The following CDCA5 variants were observed in gnomAD, a reference collection of about 807,000 sequenced individuals.
The protein encoded by CDCA5 is cell division cycle associated 5.
In CDCA5, 14 loss-of-function variants were observed where a neutral mutation model predicts 25.7. The ratio of observed to expected loss-of-function variants is 0.54; its 90% confidence interval spans 0.36 to 0.85. The LOEUF (loss-of-function observed/expected upper bound fraction) is 0.85. Ranked by LOEUF, CDCA5 falls within the 40% of genes least tolerant of loss-of-function variation. CDCA5 has a pLI of 0.01. For missense variants in CDCA5, 307 were observed against 324.5 expected (o/e 0.95, Z 0.41); for synonymous variants, 127 against 128.7 (o/e 0.99, Z 0.09).
chr11:65,072,368 G>C (rs951101228), intron 1 of CDCA5, among the ~76,000 whole-genome samples: 2 of 152,228 alleles, frequency 1.3e-5, no homozygotes, highest in African/African-American at 4.8e-5. Context: ...GAGCTACCGG[G>C]CTGAGGACCC....
chr11:65,082,794 T>C (rs1240848733), intron 4 of CDCA5, among the ~76,000 whole-genome samples: 2 of 151,816 alleles, frequency 1.3e-5, no homozygotes, highest in East Asian at 3.8e-4. Context: ...GTTCAAATGT[T>C]TCTTCTTCCA....
chr11:65,082,977 C>T lies in CDCA5; in HGVS notation c.243+387G>A, dbSNP rs557226843. Among the ~76,000 whole-genome samples, 7 of 152,172 alleles carry T rather than the reference C, an allele frequency of 4.6e-5. No homozygotes were observed. In the Middle Eastern group the frequency reaches 0.02, roughly 444 times the overall value. ...AGTTCACATTTCTCAGTCAGTATGT[C>T]TTCAGATTGTCTATTAATGAAACAT... On this transcript the variant is annotated intron_variant, in intron 4 of 5. Transcript: ENST00000275517.
At chr11:65,063,601 C>T (rs887536587), downstream of CDCA5, among the ~76,000 whole-genome samples, 4 of 152,210 alleles carry the variant, frequency 2.6e-5, no homozygotes, top group African/African-American at 4.8e-5. Flanking sequence ...GAATGCAGCG[C>T]CTGCACATTC....
chr11:65,079,068 A>G lies in CDCA5; in HGVS notation c.*39T>C. 1 of 1,504,538 alleles carries G rather than the reference A, an allele frequency of 6.6e-7. No homozygotes were observed. Among genetic ancestry groups the G allele is most frequent in the South Asian group, 1.4e-5 (1 of 71,828 alleles). The allele number at this position is 1,504,538 out of a possible 1,614,324, so 93.2% of individuals were successfully genotyped here. On this transcript the variant is annotated 3_prime_UTR_variant, in exon 6 of 6. Coordinates refer to ENST00000275517, the MANE Select transcript of CDCA5 (RefSeq NM_080668.4). Reference sequence around the variant, plus strand: ...ACAGGGAGGTGGCTATGTACAGGACAGGAGGGAGAGTCTGGCCAGGTGCAC... The same window carrying G: ...ACAGGGAGGTGGCTATGTACAGGACGGGAGGGAGAGTCTGGCCAGGTGCAC...
At chr11:65,066,738 C>T in intron 5 of CDCA5, 6 of 1,287,272 alleles carry the variant, frequency 4.7e-6, no homozygotes, top group Non-Finnish European at 6.1e-6. Flanking sequence ...CAACCCGAAG[C>T]CCCTCTAGGA....
chr11:65,072,092 T>G (rs1313430004), intron 1 of CDCA5, among the ~76,000 whole-genome samples: 1 of 152,262 alleles, frequency 6.6e-6, no homozygotes, highest in African/African-American at 2.4e-5. Flanking sequence ...CCATCAGTGA[T>G]GAGGAACTCT....
downstream of CDCA5, among the ~76,000 whole-genome samples, chr11:65,073,900 C>T (rs1002571250): frequency 1.1e-4 from 16 of 152,172 alleles, no homozygotes; most frequent in Admixed American, 4.6e-4. Flanking sequence ...CATCCCTCCT[C>T]ACACCCATCA....
At chr11:65,071,274 C>T (rs1224962381) in intron 1 of CDCA5, among the ~76,000 whole-genome samples, 1 of 151,492 alleles carries the variant, frequency 6.6e-6, no homozygotes, top group Non-Finnish European at 1.5e-5. Context: ...CATATGCATA[C>T]CCCATATGTG....
chr11:65,078,840 GC>G lies in CDCA5; in HGVS notation c.*266del, dbSNP rs1182897955. 1 of 1,190,160 alleles carries G rather than the reference GC, an allele frequency of 8.4e-7. No individual in the cohort carries two copies. The highest frequency in any genetic ancestry group is 1.0e-6 in the Non-Finnish European group (1 of 961,108). The allele number at this position is 1,190,160 out of a possible 1,614,324, so 73.7% of individuals were successfully genotyped here. On this transcript the variant is annotated 3_prime_UTR_variant, in exon 6 of 6. Transcript: ENST00000275517. ...CAGTCTGTGGCCCATCTGGAAACTG[GC>G]TATGGTACTTTGGGGAGATAGGAAG...
downstream of CDCA5, among the ~76,000 whole-genome samples, chr11:65,073,732 T>C (rs1282744324): frequency 6.6e-6 from 1 of 152,084 alleles, no homozygotes; most frequent in Non-Finnish European, 1.5e-5. Flanking sequence ...AAGGAGTTTA[T>C]TGGGAGGATG....
At chr11:65,079,830 G>A in intron 4 of CDCA5, 43 bp from the exon 5 acceptor site, 1 of 1,384,054 alleles carries the variant, frequency 7.2e-7, no homozygotes, top group African/African-American at 1.5e-5. Context: ...TACTTAGCTG[G>A]ACTGCTTACT....
downstream of CDCA5, among the ~76,000 whole-genome samples, chr11:65,064,183 C>G (rs1947210550): frequency 6.6e-6 from 1 of 152,102 alleles, no homozygotes; most frequent in South Asian, 2.1e-4. Flanking sequence ...CTTTGGGAGG[C>G]CGAGGCAGGT....
intron 4 of CDCA5, among the ~76,000 whole-genome samples, chr11:65,080,544 C>T (rs139593371): frequency 6.6e-6 from 1 of 152,304 alleles, no homozygotes; most frequent in Non-Finnish European, 1.5e-5. Flanking sequence ...CTCTGAGTAG[C>T]CGGGACTACA....
At chr11:65,067,556 G>A (rs1381669790) in intron 4 of CDCA5, 12 of 598,484 alleles carry the variant, frequency 2.0e-5, no homozygotes, top group Admixed American at 2.8e-5. Flanking sequence ...CTGAATGCCC[G>A]TTCACCAGCC....
downstream of CDCA5, among the ~76,000 whole-genome samples, chr11:65,061,792 A>C (rs530589848): frequency 8.4e-3 from 1,275 of 150,958 alleles, 12 homozygotes; most frequent in Non-Finnish European, 0.013. Flanking sequence ...AAAAAAAAAA[A>C]AAACAAAAAA....
exon 3 of CDCA5, chr11:65,068,084 G>A (rs767186113): frequency 7.8e-6 from 10 of 1,289,250 alleles, no homozygotes; most frequent in South Asian, 7.4e-5. Context: ...AAACAGGAAC[G>A]TGACGGTGGG....
At chr11:65,072,662 G>A (rs1947362652), downstream of CDCA5, among the ~76,000 whole-genome samples, 1 of 152,196 alleles carries the variant, frequency 6.6e-6, no homozygotes, top group South Asian at 2.1e-4. Context: ...CACCTGCCCA[G>A]GCTGGTGGGA....
downstream of CDCA5, among the ~76,000 whole-genome samples, chr11:65,074,785 G>A (rs989533062): frequency 2.6e-5 from 4 of 151,570 alleles, no homozygotes; most frequent in Non-Finnish European, 5.9e-5. Context: ...GTTTTGGCTG[G>A]GCATGGTGGC....
At chr11:65,066,664 T>C in exon 6 of CDCA5, 1 of 1,289,100 alleles carries the variant, frequency 7.8e-7, no homozygotes, top group Non-Finnish European at 1.0e-6. Context: ...TTCAGGCTCT[T>C]ATACAATAAG....
Sources: gnomAD v4.1 joint callset for allele counts (sites outside exome capture counted in the v4.1 genomes callset) on GRCh38, gnomAD v4.1.1 for gene constraint, MANE v1.5 for transcripts, NCBI Gene and HGNC (gene_info 2026-07-23, HGNC 2026-07-21) for gene names.